GREB1L: variants seen among roughly 807,000 people sequenced by gnomAD.
The protein encoded by GREB1L is GREB1 like retinoic acid receptor coactivator, also known as GREB1-like protein.
Under a neutral mutation model 200.8 loss-of-function variants are expected in GREB1L, and 17 were observed. The observed-to-expected ratio is 0.08, with a 90% CI of 0.06 to 0.13. The LOEUF (loss-of-function observed/expected upper bound fraction) is 0.13, where lower values mean the gene tolerates loss of function less well. Among genes scored for constraint, GREB1L ranks in the 10% least tolerant of loss-of-function variants. GREB1L has a pLI of 1.00. For missense variants in GREB1L, 1,657 were observed against 2,367.7 expected (o/e 0.70, Z 6.23); for synonymous variants, 789 against 893.0 (o/e 0.88, Z 2.08).
At chr18:21,339,684 A>G (rs1216711357) in intron 1 of GREB1L, among the ~76,000 whole-genome samples, 3 of 152,230 alleles carry the variant, frequency 2.0e-5, no homozygotes. Flanking sequence ...AAAGCTTTCA[A>G]TGCAGTTCTG....
At position 21,273,620 on chromosome 18, in the gene GREB1L, AACTG is replaced by A. The variant is rs1282720957; in HGVS notation, c.-120+31228_-120+31231del. Among the ~76,000 whole-genome samples the A allele has an allele frequency of 5.3e-5, 8 of 152,362 alleles. No homozygotes were observed. The East Asian group carries it at 1.5e-3, about 29-fold the overall frequency. ...GATGAGGGCTAGAAAAGGTTAGACT[AACTG>A]GGAGTTCATAATTTGTCTTGGAGAT... is the stretch of plus-strand genomic sequence containing the variant. On this transcript the variant is annotated intron_variant, in intron 1 of 32. Coordinates refer to ENST00000424526, the MANE Select transcript of GREB1L (RefSeq NM_001142966.3).
chr18:21,347,408 C>T (rs1715480821), intron 1 of GREB1L, among the ~76,000 whole-genome samples: 1 of 152,078 alleles, frequency 6.6e-6, no homozygotes, highest in South Asian at 2.1e-4. Flanking sequence ...CTTCCTGCTT[C>T]TGCTGCTCCT....
chr18:21,508,394 A>G lies in GREB1L; in HGVS notation c.4538A>G (p.Asn1513Ser). 2 of 1,551,512 alleles carry G rather than the reference A, an allele frequency of 1.3e-6. No individual in the cohort carries two copies. The highest frequency in any genetic ancestry group is 2.7e-5 in the African/African-American group (2 of 73,126). The change falls in exon 27 of 33, where the codon AAT becomes AGT. Residue 1513 changes from asparagine (N) to serine (S), a missense_variant. This residue lies in a region of GREB1L where 151 missense variants were observed against 309.6 expected (regional missense o/e 0.49). Coordinates refer to ENST00000424526, the MANE Select transcript of GREB1L (RefSeq NM_001142966.3). ...TTTTTTCCCTTTCAGCAGAATTTGA[A>G]TGCAGTCAAGAGCCCTATTTTCACT... is the stretch of plus-strand genomic sequence containing the variant. ...RLPLVSDKNL[N>S]AVKSPIFTPS...
At chr18:21,344,639 T>G (rs557474416) in intron 1 of GREB1L, among the ~76,000 whole-genome samples, 1 of 152,156 alleles carries the variant, frequency 6.6e-6, no homozygotes, top group African/African-American at 2.4e-5. Flanking sequence ...GGAATAAAAA[T>G]GAATAAAACA....
At chr18:21,360,530 A>T (rs1397978064) in intron 1 of GREB1L, among the ~76,000 whole-genome samples, 2 of 152,192 alleles carry the variant, frequency 1.3e-5, no homozygotes, top group East Asian at 1.9e-4. Flanking sequence ...CCGGTGACTG[A>T]TATTAGGATT....
Position 21,383,663 on chromosome 18 carries a change from T to G in GREB1L, c.145T>G (p.Phe49Val). Reference protein sequence around the residue: ...QLYLDPDQHPFSSADVKPKVE... With the variant: ...QLYLDPDQHPVSSADVKPKVE... ...ATACCTGGACCCTGACCAGCATCCT[T>G]TCTCATCTGCAGGTAAGTTTCTCAA... is the stretch of plus-strand genomic sequence containing the variant. The change falls in exon 3 of 33, where the codon TTC becomes GTC. Residue 49 changes from phenylalanine to valine, a missense_variant. Around this residue, in one of 9 missense-constraint regions of GREB1L, gnomAD observed 121 missense variants for 126.6 expected, o/e 0.96. Transcript: ENST00000424526. 6.5e-7 allele frequency: 1 copy of G among 1,550,304 alleles called. No individual in the cohort carries two copies. The highest frequency in any genetic ancestry group is 8.7e-7 in the Non-Finnish European group (1 of 1,146,490).
chr18:21,331,215 GCATGCAGAGCATTGGGGCCCTATCAAT>G (rs1351839646), intron 1 of GREB1L, among the ~76,000 whole-genome samples: 24 of 152,268 alleles, frequency 1.6e-4, no homozygotes, highest in African/African-American at 5.5e-4. Context: ...ACTTAAATAG[GCATGCAGAGCATTGGGGCCCTATCAAT>G]CATGCAGAGA....
chr18:21,461,626 T>C (rs2035050647), intron 15 of GREB1L, among the ~76,000 whole-genome samples: 1 of 152,214 alleles, frequency 6.6e-6, no homozygotes, highest in African/African-American at 2.4e-5. Flanking sequence ...GGCATGCTCC[T>C]TCCCAGCTTT....
intron 1 of GREB1L, among the ~76,000 whole-genome samples, chr18:21,326,273 GA>G (rs1354951842): frequency 2.0e-5 from 3 of 152,114 alleles, no homozygotes; most frequent in Non-Finnish European, 4.4e-5. Flanking sequence ...AGTTCATATA[GA>G]AAAAAATGTT....
chr18:21,435,774 C>T (rs530386643), intron 7 of GREB1L, among the ~76,000 whole-genome samples: 1 of 152,238 alleles, frequency 6.6e-6, no homozygotes, highest in African/African-American at 2.4e-5. Flanking sequence ...TTATAGGCAG[C>T]CAGCCTAAGA....
At chr18:21,411,351 C>T (rs2030982626) in intron 7 of GREB1L, among the ~76,000 whole-genome samples, 1 of 152,206 alleles carries the variant, frequency 6.6e-6, no homozygotes, top group African/African-American at 2.4e-5. Context: ...GGACTGCAGG[C>T]TCCCGCCACC....
At chr18:21,522,484 C>CA (rs1245204503) in intron 32 of GREB1L, among the ~76,000 whole-genome samples, 174 bp from the exon 33 acceptor site, 7 of 151,734 alleles carry the variant, frequency 4.6e-5, no homozygotes, top group Admixed American at 1.3e-4. Context: ...AAAAAAGAAA[C>CA]AAAAAAAATT....
intron 7 of GREB1L, among the ~76,000 whole-genome samples, chr18:21,429,135 CT>C (rs1164766703): frequency 1.5e-5 from 2 of 134,886 alleles, no homozygotes; most frequent in Admixed American, 1.5e-4. Flanking sequence ...TCCTTCCTTC[CT>C]TCCTTCCTTC....
intron 1 of GREB1L, among the ~76,000 whole-genome samples, chr18:21,333,084 A>G (rs886243415): frequency 6.6e-6 from 1 of 150,524 alleles, no homozygotes; most frequent in Non-Finnish European, 1.5e-5. Flanking sequence ...CTATGTTAAT[A>G]CACACACACG....
intron 7 of GREB1L, among the ~76,000 whole-genome samples, chr18:21,439,259 C>T (rs900317232): frequency 2.4e-4 from 36 of 152,172 alleles, no homozygotes; most frequent in African/African-American, 8.4e-4. Context: ...CCCTTCCTCC[C>T]ACCCATCATC....
chr18:21,491,169 T>C (rs1377004116), intron 19 of GREB1L, among the ~76,000 whole-genome samples: 2 of 152,156 alleles, frequency 1.3e-5, no homozygotes, highest in East Asian at 3.8e-4. Flanking sequence ...TACATGTCGG[T>C]ATGGAACTGA....
intron 1 of GREB1L, among the ~76,000 whole-genome samples, chr18:21,290,818 C>G (rs2144580502): frequency 8.0e-6 from 1 of 125,648 alleles, no homozygotes; most frequent in African/African-American, 3.3e-5. Context: ...GAGCAAGACT[C>G]TGTCTCAAAA....
At chr18:21,500,517 C>T in intron 22 of GREB1L, 23 bp from the exon 23 acceptor site, 6 of 1,485,316 alleles carry the variant, frequency 4.0e-6, no homozygotes, top group Non-Finnish European at 5.5e-6. Context: ...CCACTCCTCC[C>T]CAATTAAAAA....
intron 15 of GREB1L, among the ~76,000 whole-genome samples, chr18:21,457,648 TAATG>T (rs559832220): frequency 1.2e-4 from 18 of 152,230 alleles, no homozygotes; most frequent in Non-Finnish European, 2.4e-4. Flanking sequence ...GCATCATTCT[TAATG>T]AATGTATAGT....
Sources: gnomAD v4.1 joint callset for allele counts (sites outside exome capture counted in the v4.1 genomes callset) on GRCh38, gnomAD v4.1.1 for gene constraint, gnomAD v4.1.1 regional missense constraint, MANE v1.5 for transcripts, NCBI Gene and HGNC (gene_info 2026-07-23, HGNC 2026-07-21) for gene names.